Variants in VAV2 observed in about 807,000 individuals in gnomAD.
The protein encoded by VAV2 is guanine nucleotide exchange factor VAV2.
VAV2 carries 67 observed loss-of-function variants against 132.5 expected under a neutral mutation model. The ratio of observed to expected loss-of-function variants is 0.51; its 90% CI spans 0.42 to 0.62. VAV2 has a LOEUF of 0.62. Ranked by LOEUF, VAV2 falls within the 20% of genes least tolerant of loss-of-function variation. The pLI, the probability that VAV2 is intolerant of heterozygous loss-of-function variation, is 0.00. For synonymous variants in VAV2, 492 were observed against 443.5 expected (o/e 1.11, Z -1.37); for missense variants, 938 against 1,153.6 (o/e 0.81, Z 2.71).
intron 9 of VAV2, among the ~76,000 whole-genome samples, chr9:133,798,090 G>C (rs1335689401): frequency 6.6e-6 from 1 of 152,190 alleles, no homozygotes; most frequent in African/African-American, 2.4e-5. Context: ...TGGGATGCAG[G>C]CTGGAGCTCT....
At chr9:133,973,396 T>A (rs1842404336) in intron 1 of VAV2, among the ~76,000 whole-genome samples, 1 of 152,074 alleles carries the variant, frequency 6.6e-6, no homozygotes, top group South Asian at 2.1e-4. Context: ...AACATCAGCC[T>A]CCCTCCCATG....
At chr9:133,897,645 G>A (rs183941708) in intron 2 of VAV2, among the ~76,000 whole-genome samples, 9 of 152,256 alleles carry the variant, frequency 5.9e-5, no homozygotes, top group Admixed American at 3.3e-4. Flanking sequence ...GCCAAAAGGT[G>A]TGGCTCTAAG....
rs1350694997 is a variant in VAV2, at chr9:133,833,477, C to A, written c.449+795G>T. 6.6e-6 allele frequency among the ~76,000 whole-genome samples: 1 copy of A among 152,198 alleles called. No homozygotes were observed. On this transcript the variant is annotated intron_variant, in intron 4 of 29. Transcript: ENST00000371850. This position sits in a 1 kb window ranked among gnomAD's most constrained non-coding sequence, Gnocchi z 5.6. ...GCTGTCAAACAGCTCCAGAGGCCCC[C>A]AGGCAGCAAGGATGCCCGAAGGCAC...
intron 2 of VAV2, among the ~76,000 whole-genome samples, chr9:133,916,310 G>A (rs1201561158): frequency 6.6e-6 from 1 of 152,284 alleles, no homozygotes; most frequent in African/African-American, 2.4e-5. Flanking sequence ...ATTGCCCGCG[G>A]AGCCTGTGAC....
At chr9:133,850,104 G>T (rs925799396) in intron 3 of VAV2, among the ~76,000 whole-genome samples, 1 of 152,180 alleles carries the variant, frequency 6.6e-6, no homozygotes, top group Admixed American at 6.5e-5. Context: ...CACTGGTTGG[G>T]TCCCTCACCA....
rs1207244060 is a variant in VAV2 at position 133,840,377 on chromosome 9, AC to A, written c.381-6038del. On this transcript the variant is annotated intron_variant, in intron 3 of 29. Transcript: ENST00000371850. This position sits in a 1 kb window ranked among gnomAD's most constrained non-coding sequence, Gnocchi z 4.5. Reference sequence around the variant, plus strand: ...GGGCAGCAGCCCCTCCTCCCAAACGACCCATCCAATCCCACTCCCCAAGCTT... The same window carrying A: ...GGGCAGCAGCCCCTCCTCCCAAACGACCATCCAATCCCACTCCCCAAGCTT... Among the ~76,000 whole-genome samples the A allele has an allele frequency of 1.3e-5, 2 of 150,914 alleles. No individual in the cohort carries two copies. Among genetic ancestry groups the A allele is most frequent in the Non-Finnish European group, 3.0e-5 (2 of 67,696 alleles).
chr9:133,784,611 T>A (rs539919002), intron 17 of VAV2, among the ~76,000 whole-genome samples, 193 bp from the exon 18 acceptor site: 5 of 152,240 alleles, frequency 3.3e-5, no homozygotes, highest in African/African-American at 1.2e-4. Flanking sequence ...AGAAGGCAGG[T>A]CAGAGAAGAA....
chr9:133,867,897 C>T (rs147803020), intron 2 of VAV2, among the ~76,000 whole-genome samples: 1 of 152,196 alleles, frequency 6.6e-6, no homozygotes, highest in Non-Finnish European at 1.5e-5. Context: ...CCTCCAGCAT[C>T]GTTTCCTGAA....
intron 2 of VAV2, among the ~76,000 whole-genome samples, chr9:133,937,004 A>G (rs1840935545): frequency 6.6e-6 from 1 of 152,228 alleles, no homozygotes; most frequent in Non-Finnish European, 1.5e-5. Context: ...TGAGAGTTTA[A>G]TCCAAATTTA....
chr9:133,813,868 AAC>A (rs547369779), intron 4 of VAV2, among the ~76,000 whole-genome samples: 2 of 152,218 alleles, frequency 1.3e-5, no homozygotes, highest in South Asian at 2.1e-4. Context: ...CCTGTAGAAA[AAC>A]AGTTATTCTC....
At chr9:133,825,122 C>T (rs574495414) in intron 4 of VAV2, among the ~76,000 whole-genome samples, 10 of 137,154 alleles carry the variant, frequency 7.3e-5, no homozygotes, top group East Asian at 2.4e-4. Context: ...TGAGGCACCA[C>T]GGCCAGTGGG....
intron 1 of VAV2, among the ~76,000 whole-genome samples, chr9:133,978,033 C>T (rs951239967): frequency 8.5e-5 from 13 of 152,116 alleles, no homozygotes; most frequent in Non-Finnish European, 1.8e-4. Context: ...AGATGTCCTA[C>T]GTGTATGAGA....
chr9:133,976,223 T>C (rs1206273646), intron 1 of VAV2, among the ~76,000 whole-genome samples: 1 of 151,640 alleles, frequency 6.6e-6, no homozygotes. Context: ...AAAAATGCTA[T>C]GTTGGCCGCC....
chr9:133,788,259 C>T lies in VAV2; in HGVS notation c.1407+95G>A. On this transcript the variant is annotated intron_variant, in intron 15 of 29. Coordinates refer to ENST00000371850, the MANE Select transcript of VAV2 (RefSeq NM_001134398.2). This position sits in a 1 kb window ranked among gnomAD's most constrained non-coding sequence, Gnocchi z 5.3. ...CCACCCGGCCAGCATCAGCGGCTGA[C>T]TTCGAGTCCCCTTCCCCTGGGGTCT... The T allele has an allele frequency of 9.9e-7, 1 of 1,007,202 alleles. No individual in the cohort carries two copies. Among genetic ancestry groups the T allele is most frequent in the Non-Finnish European group, 1.4e-6 (1 of 716,152 alleles). 62.4% of individuals were successfully genotyped at this position (1,007,202 alleles called of 1,614,324 possible).
At position 133,763,491 on chromosome 9, in the gene VAV2, A is replaced by G. The variant is rs1833330719; in HGVS notation, c.*571T>C. ...CAGAGTGGCTGCAGAGGGCGACCAC[A>G]GTGCTCTCTCCTCCCGCGCCCTAGC... On this transcript the variant is annotated 3_prime_UTR_variant, in exon 30 of 30. Transcript: ENST00000371850. The surrounding 1 kb of genome is among the most constrained non-coding windows in gnomAD (Gnocchi z 6.8). 6.5e-6 allele frequency: 1 copy of G among 153,264 alleles called. No individual in the cohort carries two copies. The highest frequency in any genetic ancestry group is 2.1e-4 in the South Asian group (1 of 4,848). 9.5% of individuals were successfully genotyped at this position (153,264 alleles called of 1,614,324 possible). A position where few individuals can be genotyped will look rare whatever the true frequency, so the allele number is the denominator to read the frequency against.
At chr9:133,786,252 C>T (rs1834218742) in intron 16 of VAV2, among the ~76,000 whole-genome samples, 1 of 152,016 alleles carries the variant, frequency 6.6e-6, no homozygotes, top group Non-Finnish European at 1.5e-5. Flanking sequence ...CCCAGTGCTC[C>T]TGTGAGCATG....
In VAV2 at chr9:133,851,800, A is replaced by AATGGATGGATGGATGG. The variant is rs141641770; in HGVS notation, c.380+9558_380+9573dup. On this transcript the variant is annotated intron_variant, in intron 3 of 29. Transcript: ENST00000371850. ...GGGTAAATAAATGGATGGGTGAATA[A>AATGGATGGATGGATGG]ATGGATGGATGGATGGATGGATGGA... Among the ~76,000 whole-genome samples, 384 of 138,138 alleles carry AATGGATGGATGGATGG rather than the reference A, an allele frequency of 2.8e-3. 1 individual carries two copies. The highest frequency in any genetic ancestry group is 0.011 in the African/African-American group (346 of 31,508). 90.6% of individuals were successfully genotyped at this position (138,138 alleles called of 152,430 possible). A position where few individuals can be genotyped will look rare whatever the true frequency, so the allele number is the denominator to read the frequency against.
chr9:133,781,772 G>A (rs955137864), intron 19 of VAV2, among the ~76,000 whole-genome samples: 1 of 152,240 alleles, frequency 6.6e-6, no homozygotes, highest in Non-Finnish European at 1.5e-5. Flanking sequence ...GCGTCCCCCA[G>A]CAGAGGGATG....
At position 133,958,803 on chromosome 9, in the gene VAV2, C is replaced by T. The variant is rs139845149; in HGVS notation, c.205-19584G>A. Among the ~76,000 whole-genome samples the T allele has an allele frequency of 3.0e-3, 456 of 152,356 alleles. 3 individuals are homozygous for T. Among genetic ancestry groups the T allele is most frequent in the African/African-American group, 0.01 (430 of 41,580 alleles). On this transcript the variant is annotated intron_variant, in intron 1 of 29. Transcript: ENST00000371850. ...TCACCACCTGCATTCATCCATTCAT[C>T]CTTCATTCATTCATTCCTCAATCTT... is the stretch of plus-strand genomic sequence containing the variant.
Sources: allele counts gnomAD v4.1 joint callset (sites outside exome capture counted in the v4.1 genomes callset), GRCh38; gene constraint gnomAD v4.1.1; non-coding constraint Gnocchi (gnomAD v3.1); transcripts MANE v1.5; gene names NCBI Gene and HGNC (gene_info 2026-07-23, HGNC 2026-07-21).